The following AKTIP variants were observed in gnomAD, a reference collection of about 807,000 sequenced individuals.
AKTIP encodes AKT interacting protein, also known as AKT-interacting protein.
In AKTIP, 16 loss-of-function variants were observed where a neutral mutation model predicts 39.1. The ratio of observed to expected loss-of-function variants is 0.41; its 90% confidence interval spans 0.28 to 0.62. The LOEUF (loss-of-function observed/expected upper bound fraction) is 0.62, where lower values mean the gene tolerates loss of function less well. Ranked by LOEUF, AKTIP falls within the 20% of genes least tolerant of loss-of-function variation. The probability of loss-of-function intolerance (pLI) is 0.32; values close to 1 mark genes in which losing one functional copy is unlikely to be tolerated. For missense variants in AKTIP, 262 were observed against 356.6 expected, an observed-to-expected ratio of 0.73 and a Z score of 2.14; for synonymous variants, 93 against 124.3, an observed-to-expected ratio of 0.75 and a Z score of 1.67.
Position 53,492,727 on chromosome 16 carries a change from T to C in AKTIP, c.737A>G (p.His246Arg). The C allele has an allele frequency of 1.2e-6, 2 of 1,614,116 alleles. No homozygotes were observed. The highest frequency in any genetic ancestry group is 1.7e-5 in the Admixed American group (1 of 60,016). ...CAGCATCTTTTCTCTGGCTTCATCA[T>C]GTACAGAAGGATTCCATGGAGAAAA... ...ISFSPWNPSVHDEAREKMLTQ... is the reference protein window; with the variant it reads ...ISFSPWNPSVRDEAREKMLTQ... Residue 246 changes from histidine to arginine, a missense_variant, in exon 9 of 10, where the codon CAT (histidine) becomes CGT (arginine). This residue lies in a region of AKTIP where 145 missense variants were observed against 159.3 expected (regional missense o/e 0.91). Coordinates refer to ENST00000394657, the MANE Select transcript of AKTIP (RefSeq NM_022476.4).
rs1423708365 is a variant in AKTIP at position 53,491,722 on chromosome 16, T to C, written c.*690A>G. 6.6e-6 allele frequency: 1 copy of C among 152,668 alleles called. No individual in the cohort carries two copies. Among genetic ancestry groups the C allele is most frequent in the Non-Finnish European group, 1.5e-5 (1 of 68,044 alleles). 9.5% of individuals were successfully genotyped at this position (152,668 alleles called of 1,614,324 possible). On this transcript the variant is annotated 3_prime_UTR_variant, in exon 10 of 10. Coordinates refer to ENST00000394657, the MANE Select transcript of AKTIP (RefSeq NM_022476.4). Reference sequence around the variant, plus strand: ...CAAAGAACAATCATTTATTGGTTTATTTTGTCTCTACTAAACACATTAGTC... The same window carrying C: ...CAAAGAACAATCATTTATTGGTTTACTTTGTCTCTACTAAACACATTAGTC...
At chr16:53,498,618 G>A in intron 2 of AKTIP, 22 bp from the exon 3 acceptor site, 1 of 1,606,848 alleles carries the variant, frequency 6.2e-7, no homozygotes, top group Non-Finnish European at 8.5e-7. Context: ...GAAGTTGTAA[G>A]AATATCTGTT....
chr16:53,500,539 A>C (rs1302583923), intron 1 of AKTIP, among the ~76,000 whole-genome samples: 2 of 151,976 alleles, frequency 1.3e-5, no homozygotes, highest in East Asian at 3.9e-4. Context: ...CACCATGCCC[A>C]GCTAAGTTTT....
Position 53,492,438 on chromosome 16 carries a change from T to C in AKTIP, c.853A>G (p.Lys285Glu). ...VKPGSVQPFS[K>E]EEKTVAT ...TAAGTCGCCACTGTTTTCTCTTCTTTACTGAAAGGCTGTACTGAGCCAGGC... is the reference window on the plus strand; with the variant it reads ...TAAGTCGCCACTGTTTTCTCTTCTTCACTGAAAGGCTGTACTGAGCCAGGC... The change falls in exon 10 of 10, where the codon AAA (lysine) becomes GAA (glutamate). Residue 285 changes from lysine to glutamate, a missense_variant. Lys to Glu is a moderately conservative substitution (Grantham distance 56). Around this residue, in one of 4 missense-constraint regions of AKTIP, gnomAD observed 145 missense variants for 159.3 expected, o/e 0.91. Coordinates refer to ENST00000394657, the MANE Select transcript of AKTIP (RefSeq NM_022476.4). 6.2e-7 allele frequency: 1 copy of C among 1,612,806 alleles called. No individual in the cohort carries two copies. The highest frequency in any genetic ancestry group is 8.5e-7 in the Non-Finnish European group (1 of 1,180,004).
chr16:53,498,323 G>A (rs1961963522), intron 3 of AKTIP, 68 bp downstream of exon 3: 2 of 1,517,694 alleles, frequency 1.3e-6, no homozygotes, highest in Admixed American at 1.7e-5. Context: ...GCATCCATCA[G>A]AATAAATTTC....
At position 53,494,592 on chromosome 16, in the gene AKTIP, T is replaced by C; in HGVS notation, c.428A>G (p.Asp143Gly). 3.7e-6 allele frequency: 6 copies of C among 1,614,078 alleles called. No homozygotes were observed. Among genetic ancestry groups the C allele is most frequent in the Non-Finnish European group, 5.1e-6 (6 of 1,179,970 alleles). ...AACTAGCGGGTGAAAGACAGGAATA[T>C]CGAACACCAAGCGCTGTATTTAAAT... Reference protein sequence around the residue: ...PDGDCPRLVFDIPVFHPLVDP... With the variant: ...PDGDCPRLVFGIPVFHPLVDP... Residue 143 changes from aspartate (D) to glycine (G), a missense_variant, in exon 6 of 10, where the codon GAT (aspartate) becomes GGT (glycine). Physicochemically the swap from Asp to Gly is moderately conservative, Grantham distance 94 (BLOSUM62 -1). Coordinates refer to ENST00000394657, the MANE Select transcript of AKTIP (RefSeq NM_022476.4).
At chr16:53,502,117 C>CT (rs1269505124) in intron 1 of AKTIP, among the ~76,000 whole-genome samples, 3 of 152,182 alleles carry the variant, frequency 2.0e-5, no homozygotes, top group Non-Finnish European at 2.9e-5. Context: ...TTAGGATTCT[C>CT]TTTAAGAATC....
chr16:53,492,669 T>C (rs765225998), intron 9 of AKTIP, 24 bp downstream of exon 9: 1 of 1,612,428 alleles, frequency 6.2e-7, no homozygotes, highest in Non-Finnish European at 8.5e-7. Flanking sequence ...GAGTTAGCCA[T>C]TTCATAAGTT....
intron 5 of AKTIP, 130 bp from the exon 6 acceptor site, chr16:53,494,735 G>A (rs745445751): frequency 3.2e-5 from 29 of 903,758 alleles, no homozygotes; most frequent in African/African-American, 1.7e-5. Flanking sequence ...GCTGCCTCAA[G>A]AGGGCTACTT....
chr16:53,494,039 A>C (rs1183812675), intron 8 of AKTIP, 99 bp downstream of exon 8: 11 of 887,904 alleles, frequency 1.2e-5, no homozygotes, highest in Non-Finnish European at 2.0e-5. Context: ...CAGCTTATGC[A>C]TGTGCCTTTT....
intron 3 of AKTIP, among the ~76,000 whole-genome samples, chr16:53,497,045 C>T (rs1001198250): frequency 2.0e-5 from 3 of 152,078 alleles, no homozygotes; most frequent in African/African-American, 4.8e-5. Flanking sequence ...GATCCTCCTG[C>T]GTCAGTCTCC....
At chr16:53,493,927 T>C in intron 8 of AKTIP, 1 of 530,668 alleles carries the variant, frequency 1.9e-6, no homozygotes. Flanking sequence ...GAGAATGTGC[T>C]GTCGGCACAG....
Position 53,492,364 on chromosome 16 carries a change from G to T in AKTIP, c.*48C>A. ...CTCTGCCATTGGTCAGCTTGAACTA[G>T]GCCAGAGTCTAGCAGGAAAGTGCAT... On this transcript the variant is annotated 3_prime_UTR_variant, in exon 10 of 10. Coordinates refer to ENST00000394657, the MANE Select transcript of AKTIP (RefSeq NM_022476.4). The T allele has an allele frequency of 1.3e-6, 2 of 1,540,000 alleles. No individual in the cohort carries two copies. The highest frequency in any genetic ancestry group is 1.8e-6 in the Non-Finnish European group (2 of 1,115,702).
intron 3 of AKTIP, among the ~76,000 whole-genome samples, chr16:53,497,739 T>C (rs566876754): frequency 1.3e-5 from 2 of 152,360 alleles, no homozygotes; most frequent in East Asian, 3.9e-4. Flanking sequence ...ACTAAATTTA[T>C]TAAGTTCCTA....
chr16:53,499,453 T>G (rs1028541870), intron 2 of AKTIP, among the ~76,000 whole-genome samples: 4 of 150,798 alleles, frequency 2.7e-5, no homozygotes, highest in Non-Finnish European at 5.9e-5. Flanking sequence ...ATTATAGTTT[T>G]TTTTTTTTTT....
At chr16:53,494,312 T>G in intron 7 of AKTIP, 27 bp downstream of exon 7, 1 of 1,613,038 alleles carries the variant, frequency 6.2e-7, no homozygotes, top group East Asian at 2.2e-5. Context: ...CAAATTTATT[T>G]TAAATAACAA....
chr16:53,500,712 T>C (rs62048543), intron 1 of AKTIP, among the ~76,000 whole-genome samples: 44,549 of 152,124 alleles, frequency 0.29, 6,879 homozygotes, highest in Middle Eastern at 0.38. Context: ...GAATAACTAA[T>C]TATGACACCC....
intron 5 of AKTIP, 29 bp downstream of exon 5, chr16:53,495,044 A>G (rs113242092): frequency 2.5e-6 from 4 of 1,595,038 alleles, no homozygotes; most frequent in Non-Finnish European, 3.4e-6. Flanking sequence ...CTGATCCACA[A>G]ATAAAGCCAG....
chr16:53,502,347 T>A (rs1962217186), intron 1 of AKTIP, among the ~76,000 whole-genome samples: 1 of 152,304 alleles, frequency 6.6e-6, no homozygotes, highest in South Asian at 2.1e-4. Flanking sequence ...CCTTGTCACT[T>A]GGAAACAATT....
Sources: gnomAD v4.1 joint callset for allele counts (sites outside exome capture counted in the v4.1 genomes callset) on GRCh38, gnomAD v4.1.1 for gene constraint, gnomAD v4.1.1 regional missense constraint, MANE v1.5 for transcripts, NCBI Gene and HGNC (gene_info 2026-07-23, HGNC 2026-07-21) for gene names.